Variants in NFIL3 observed in about 807,000 individuals in gnomAD.
NFIL3 encodes nuclear factor interleukin-3-regulated protein.
NFIL3 carries 5 observed loss-of-function variants against 10.0 expected under a neutral mutation model. That is an observed-to-expected ratio of 0.50 (90% CI 0.26 to 1.06). The LOEUF is 1.06. Among genes scored for constraint, NFIL3 ranks in the 50% least tolerant of loss-of-function variants. The pLI is 0.13. For synonymous variants in NFIL3, 202 were observed against 206.5 expected (o/e 0.98, Z 0.19); for missense variants, 436 against 547.6 (o/e 0.80, Z 2.03).
Position 91,410,544 on chromosome 9 carries a change from C to T in NFIL3, c.191G>A (p.Arg64Gln). 6.2e-7 allele frequency: 1 copy of T among 1,614,170 alleles called. No individual in the cohort carries two copies. Among genetic ancestry groups the T allele is most frequent in the Non-Finnish European group, 8.5e-7 (1 of 1,180,030 alleles). The change falls in exon 2 of 2, where the codon CGG becomes CAG. Residue 64 changes from arginine (R) to glutamine (Q), a missense_variant. Physicochemically the swap from Arg to Gln is conservative, Grantham distance 43. This residue lies in a region of NFIL3 where 22 missense variants were observed against 74.7 expected (regional missense o/e 0.29). Coordinates refer to ENST00000297689, the MANE Select transcript of NFIL3 (RefSeq NM_005384.3). The surrounding 1 kb of genome is among the most constrained non-coding windows in gnomAD (Gnocchi z 5.7). Reference protein sequence around the residue: ...KNKSSACRRKREFIPDEKKDA... With the variant: ...KNKSSACRRKQEFIPDEKKDA... ...TTTCTTTTCATCAGGAATGAATTCC[C>T]GTTTCCTCCGACATGCAGAAGATTT...
chr9:91,471,081 C>T, the NFIL3 span, among the ~76,000 whole-genome samples: 1 of 151,978 alleles, frequency 6.6e-6, no homozygotes, highest in Admixed American at 6.6e-5. Flanking sequence ...TCCTTGTTAG[C>T]CTTCTGTCTC....
chr9:91,454,773 A>G, the NFIL3 span, among the ~76,000 whole-genome samples: 2 of 152,224 alleles, frequency 1.3e-5, no homozygotes, highest in Non-Finnish European at 1.5e-5. Flanking sequence ...CAGAGGTTGC[A>G]GTGAGCCGAG....
chr9:91,409,956 G>C lies in NFIL3; in HGVS notation c.779C>G (p.Pro260Arg), dbSNP rs370930633. 3 of 1,613,510 alleles carry C rather than the reference G, an allele frequency of 1.9e-6. No individual in the cohort carries two copies. Among genetic ancestry groups the C allele is most frequent in the Admixed American group, 1.7e-5 (1 of 59,988 alleles). The change falls in exon 2 of 2, where the codon CCA (proline) becomes CGA (arginine). Residue 260 changes from proline to arginine, a missense_variant. By Grantham distance (103) the Pro-to-Arg change is moderately radical. This residue lies in a region of NFIL3 where 338 missense variants were observed against 399.9 expected (regional missense o/e 0.85). Coordinates refer to ENST00000297689, the MANE Select transcript of NFIL3 (RefSeq NM_005384.3). ...NSFSGYSHSP[P>R]LLQVNRSSSN... ...GGAGGATCGGTTGACTTGCAGTAGT[G>C]GGGGAGAGTGTGAGTACCCAGAGAA...
At chr9:91,460,246 T>TGCC in the NFIL3 span, among the ~76,000 whole-genome samples, 1 of 142,676 alleles carries the variant, frequency 7.0e-6, no homozygotes, top group East Asian at 2.1e-4. Flanking sequence ...TACAGATTGC[T>TGCC]GCCATGGGCA....
At chr9:91,478,787 C>G in the NFIL3 span, among the ~76,000 whole-genome samples, 1 of 152,098 alleles carries the variant, frequency 6.6e-6, no homozygotes, top group Non-Finnish European at 1.5e-5. Context: ...GATTTACCTA[C>G]CTTTGGTCTT....
At chr9:91,472,051 G>T in the NFIL3 span, among the ~76,000 whole-genome samples, 2 of 151,880 alleles carry the variant, frequency 1.3e-5, no homozygotes, top group African/African-American at 2.4e-5. Flanking sequence ...TTCTGACTTG[G>T]AGGGTTTCTG....
chr9:91,461,334 T>G, the NFIL3 span, among the ~76,000 whole-genome samples: 1 of 152,160 alleles, frequency 6.6e-6, no homozygotes, highest in South Asian at 2.1e-4. Context: ...CAGGTAAAAA[T>G]TTGAAAAGTT....
the NFIL3 span, among the ~76,000 whole-genome samples, chr9:91,482,691 G>A: frequency 4.6e-5 from 7 of 151,988 alleles, no homozygotes; most frequent in African/African-American, 1.5e-4. Flanking sequence ...TAGTGCAGAC[G>A]AGATTTTGCC....
At position 91,410,751 on chromosome 9, in the gene NFIL3, C is replaced by T. The variant is rs1833533254; in HGVS notation, c.-17G>A. The T allele has an allele frequency of 5.1e-6, 8 of 1,565,066 alleles. No individual in the cohort carries two copies. The highest frequency in any genetic ancestry group is 6.9e-6 in the Non-Finnish European group (8 of 1,160,112). On this transcript the variant is annotated 5_prime_UTR_variant, in exon 2 of 2. Transcript: ENST00000297689. The surrounding 1 kb of genome is among the most constrained non-coding windows in gnomAD (Gnocchi z 5.7). Reference sequence around the variant, plus strand: ...CAGCTGCATCAGAAACAACCTTACCCTATCTATGTGTGTAGGAGAACAAAT... The same window carrying T: ...CAGCTGCATCAGAAACAACCTTACCTTATCTATGTGTGTAGGAGAACAAAT...
At chr9:91,455,112 G>A in the NFIL3 span, among the ~76,000 whole-genome samples, 38 of 152,264 alleles carry the variant, frequency 2.5e-4, no homozygotes, top group Non-Finnish European at 3.5e-4. Context: ...TGAGGGTGAT[G>A]TTCCCTTTGA....
chr9:91,450,915 T>G, the NFIL3 span, among the ~76,000 whole-genome samples: 1 of 152,212 alleles, frequency 6.6e-6, no homozygotes. Flanking sequence ...CTGTTCTACT[T>G]TAATGGTACC....
At chr9:91,476,294 C>T in the NFIL3 span, among the ~76,000 whole-genome samples, 1 of 152,152 alleles carries the variant, frequency 6.6e-6, no homozygotes, top group East Asian at 1.9e-4. Context: ...CACGACTGAC[C>T]GGGCACAGTG....
At chr9:91,466,337 C>T in the NFIL3 span, among the ~76,000 whole-genome samples, 12 of 152,202 alleles carry the variant, frequency 7.9e-5, no homozygotes, top group African/African-American at 2.2e-4. Flanking sequence ...AAAACCATGA[C>T]CAGCTGAGAT....
the NFIL3 span, among the ~76,000 whole-genome samples, chr9:91,460,271 CTT>C: frequency 3.8e-4 from 27 of 70,420 alleles, no homozygotes; most frequent in East Asian, 1.3e-3. Flanking sequence ...GGGCTTGGTT[CTT>C]TTTTTTTTTT....
upstream of NFIL3, among the ~76,000 whole-genome samples, chr9:91,424,334 C>A (rs1032872255): frequency 6.6e-6 from 1 of 152,218 alleles, no homozygotes; most frequent in African/African-American, 2.4e-5. Flanking sequence ...CTGAGCACTG[C>A]GGGTTGCGGC....
chr9:91,419,717 T>TA (rs1326480801), intron 1 of NFIL3, among the ~76,000 whole-genome samples: 2 of 152,206 alleles, frequency 1.3e-5, no homozygotes, highest in Non-Finnish European at 2.9e-5. Context: ...GTTTAGTAAA[T>TA]ACTAACTCTT....
At chr9:91,455,912 C>G in the NFIL3 span, among the ~76,000 whole-genome samples, 2 of 152,096 alleles carry the variant, frequency 1.3e-5, no homozygotes, top group African/African-American at 4.8e-5. Flanking sequence ...TGTATATCAC[C>G]CCTAAAACTC....
At chr9:91,419,693 C>A (rs1371938183) in intron 1 of NFIL3, among the ~76,000 whole-genome samples, 6 of 152,196 alleles carry the variant, frequency 3.9e-5, no homozygotes, top group African/African-American at 1.4e-4. Flanking sequence ...GTGCCTGGCA[C>A]ATGCAGAGTA....
At chr9:91,412,873 A>T (rs1394197354) in intron 1 of NFIL3, among the ~76,000 whole-genome samples, 4 of 150,648 alleles carry the variant, frequency 2.7e-5, no homozygotes, top group Non-Finnish European at 5.9e-5. Context: ...AAAAAAAAAG[A>T]TGTAATGTTC....
Sources: gnomAD v4.1 joint callset for allele counts (sites outside exome capture counted in the v4.1 genomes callset) on GRCh38, gnomAD v4.1.1 for gene constraint, gnomAD v4.1.1 regional missense constraint, Gnocchi (gnomAD v3.1) non-coding constraint, MANE v1.5 for transcripts, NCBI Gene and HGNC (gene_info 2026-07-23, HGNC 2026-07-21) for gene names.